Variants in JAKMIP2 observed in about 807,000 individuals in gnomAD.
JAKMIP2 encodes the protein janus kinase and microtubule-interacting protein 2.
Under a neutral mutation model 115.0 loss-of-function variants are expected in JAKMIP2, and 25 were observed. The observed-to-expected ratio is 0.22, with a 90% CI of 0.16 to 0.30. The LOEUF is 0.30. Ranked by LOEUF, JAKMIP2 falls within the 10% of genes least tolerant of loss-of-function variation. The pLI, the probability that JAKMIP2 is intolerant of heterozygous loss-of-function variation, is 1.00. For missense variants in JAKMIP2, 642 were observed against 957.6 expected, an observed-to-expected ratio of 0.67 and a Z score of 4.35; for synonymous variants, 334 against 343.6, an observed-to-expected ratio of 0.97 and a Z score of 0.31.
At position 147,589,068 on chromosome 5, in the gene JAKMIP2, C is replaced by A. The variant is rs1046216773; in HGVS notation, c.*2639G>T. Reference sequence around the variant, plus strand: ...AAGTTGGCTAGTGTTGGGTCACCAACACTGTAGAGGCACCCTCTTTCACAT... The same window carrying A: ...AAGTTGGCTAGTGTTGGGTCACCAAAACTGTAGAGGCACCCTCTTTCACAT... On this transcript the variant is annotated 3_prime_UTR_variant, in exon 22 of 22. Transcript: ENST00000616793. The A allele has an allele frequency of 5.3e-5, 8 of 151,954 alleles. No homozygotes were observed. Among genetic ancestry groups the A allele is most frequent in the Non-Finnish European group, 1.0e-4 (7 of 68,040 alleles). 9.4% of individuals were successfully genotyped at this position (151,954 alleles called of 1,614,324 possible).
At chr5:147,593,520 G>A (rs775881688) in intron 21 of JAKMIP2, among the ~76,000 whole-genome samples, 51 of 152,190 alleles carry the variant, frequency 3.4e-4, no homozygotes, top group African/African-American at 8.9e-4. Flanking sequence ...AAGAGTTCTC[G>A]TAGAGTCAGA....
chr5:147,693,850 T>C (rs556726082), intron 1 of JAKMIP2, among the ~76,000 whole-genome samples: 1 of 152,362 alleles, frequency 6.6e-6, no homozygotes, highest in African/African-American at 2.4e-5. Flanking sequence ...TTGGGGGTTA[T>C]ACTTCTGATC....
intron 1 of JAKMIP2, among the ~76,000 whole-genome samples, chr5:147,721,899 T>C (rs563063565): frequency 6.6e-6 from 1 of 152,256 alleles, no homozygotes; most frequent in East Asian, 1.9e-4. Flanking sequence ...ATTTCTTTCA[T>C]ACTAAAGTGT....
chr5:147,586,888 G>A lies in JAKMIP2; in HGVS notation c.*4819C>T, dbSNP rs1275780210. ...CTTTAGGAATTTTGATTAAGCATTG[G>A]ACTTGGACTCCCAGCAAGAGATTTA... On this transcript the variant is annotated 3_prime_UTR_variant, in exon 22 of 22. Transcript: ENST00000616793. 1 of 151,344 alleles carries A rather than the reference G, an allele frequency of 6.6e-6. No individual in the cohort carries two copies. Among genetic ancestry groups the A allele is most frequent in the Admixed American group, 6.6e-5 (1 of 15,162 alleles). 9.4% of individuals were successfully genotyped at this position (151,344 alleles called of 1,614,324 possible).
intron 19 of JAKMIP2, among the ~76,000 whole-genome samples, chr5:147,616,082 A>G (rs1371495728): frequency 6.6e-6 from 1 of 152,150 alleles, no homozygotes; most frequent in Non-Finnish European, 1.5e-5. Context: ...TCTACTGACT[A>G]AGACAGGCAG....
intron 19 of JAKMIP2, among the ~76,000 whole-genome samples, chr5:147,615,853 A>C (rs1217174838): frequency 6.6e-6 from 1 of 152,150 alleles, no homozygotes; most frequent in Non-Finnish European, 1.5e-5. Context: ...TAGATGATGG[A>C]GTCAGATTCA....
intron 1 of JAKMIP2, among the ~76,000 whole-genome samples, chr5:147,777,981 A>G (rs1225736738): frequency 6.6e-6 from 1 of 152,194 alleles, no homozygotes; most frequent in African/African-American, 2.4e-5. Context: ...TTTTATGACA[A>G]TATCATTTTT....
chr5:147,618,810 C>A (rs1329467983), intron 18 of JAKMIP2, among the ~76,000 whole-genome samples: 2 of 152,078 alleles, frequency 1.3e-5, no homozygotes, highest in Non-Finnish European at 2.9e-5. Flanking sequence ...AGACATCTAC[C>A]ACGGTGGCCA....
Position 147,715,133 on chromosome 5 carries a change from T to C in JAKMIP2, c.-148-43179A>G, listed in dbSNP as rs986238007. On this transcript the variant is annotated intron_variant, in intron 1 of 21. Coordinates refer to ENST00000616793, the MANE Select transcript of JAKMIP2 (RefSeq NM_001270941.2). ...TAAGAGAAGAATATGTTACAATTACTAGAATTAACACAAAGATTAGTCTAT... is the reference window on the plus strand; with the variant it reads ...TAAGAGAAGAATATGTTACAATTACCAGAATTAACACAAAGATTAGTCTAT... Among the ~76,000 whole-genome samples the C allele has an allele frequency of 4.6e-5, 7 of 152,214 alleles. No homozygotes were observed. In the East Asian group the frequency reaches 1.3e-3, roughly 29 times the overall value.
At chr5:147,611,895 G>C (rs546608385) in intron 20 of JAKMIP2, among the ~76,000 whole-genome samples, 3 of 152,166 alleles carry the variant, frequency 2.0e-5, no homozygotes, top group Admixed American at 6.5e-5. Flanking sequence ...TGAATTTACT[G>C]TTAAGGTGAA....
At chr5:147,620,562 C>T (rs569496966) in intron 18 of JAKMIP2, 104 bp downstream of exon 18, 17 of 666,546 alleles carry the variant, frequency 2.6e-5, no homozygotes, top group South Asian at 2.2e-5. Context: ...AACTGCATGT[C>T]GTGATCTATT....
chr5:147,698,128 G>T (rs1752179069), intron 1 of JAKMIP2, among the ~76,000 whole-genome samples: 1 of 152,192 alleles, frequency 6.6e-6, no homozygotes, highest in South Asian at 2.1e-4. Context: ...CTGAATGTGA[G>T]ATATGGAGTC....
At chr5:147,629,298 C>T (rs1298694211) in intron 15 of JAKMIP2, among the ~76,000 whole-genome samples, 1 of 152,170 alleles carries the variant, frequency 6.6e-6, no homozygotes, top group Admixed American at 6.5e-5. Flanking sequence ...AAAGAAAATG[C>T]ATTATAGCCT....
chr5:147,755,264 C>T (rs1344845229), intron 1 of JAKMIP2, among the ~76,000 whole-genome samples: 4 of 151,638 alleles, frequency 2.6e-5, no homozygotes, highest in Non-Finnish European at 5.9e-5. Context: ...TTAGGATGTC[C>T]CCCCTTTTGG....
intron 1 of JAKMIP2, among the ~76,000 whole-genome samples, chr5:147,755,689 G>A (rs1236522632): frequency 6.6e-6 from 1 of 151,976 alleles, no homozygotes; most frequent in Non-Finnish European, 1.5e-5. Context: ...TGTTGCCTAG[G>A]CTGGAGTGCA....
chr5:147,741,267 A>G (rs1269876413), intron 1 of JAKMIP2, among the ~76,000 whole-genome samples: 1 of 152,192 alleles, frequency 6.6e-6, no homozygotes, highest in East Asian at 1.9e-4. Flanking sequence ...AATAACTCCA[A>G]TGATAACTGC....
rs1270598041 is a variant in JAKMIP2, at chr5:147,644,089, T to G, written c.1193A>C (p.Glu398Ala). 6.2e-7 allele frequency: 1 copy of G among 1,606,948 alleles called. No individual in the cohort carries two copies. ...ETEFLKLQVI[E>A]QQNIIDELTR... ...GAGCTCATCAATAATGTTCTGTTGC[T>G]CAATGACCTGAAGTTTTAGAAACTC... Residue 398 changes from glutamate (E) to alanine (A), a missense_variant, in exon 7 of 22, where the codon GAG (glutamate) becomes GCG (alanine). Glu to Ala is a moderately radical substitution (Grantham distance 107). Transcript: ENST00000616793.
intron 1 of JAKMIP2, among the ~76,000 whole-genome samples, chr5:147,716,653 G>A (rs1434501662): frequency 0.013 from 1,981 of 149,936 alleles, 55 homozygotes; most frequent in African/African-American, 0.046. Context: ...CTTTTGAGAA[G>A]TGTCTGTTCA....
chr5:147,725,360 C>G (rs1753477288), intron 1 of JAKMIP2, among the ~76,000 whole-genome samples: 1 of 152,082 alleles, frequency 6.6e-6, no homozygotes, highest in Non-Finnish European at 1.5e-5. Flanking sequence ...CATGGAGTGG[C>G]CATTCTTTAT....
Sources: allele counts gnomAD v4.1 joint callset (sites outside exome capture counted in the v4.1 genomes callset), GRCh38; gene constraint gnomAD v4.1.1; transcripts MANE v1.5; gene names NCBI Gene and HGNC (gene_info 2026-07-23, HGNC 2026-07-21).